The following GIPC1 variants were observed in gnomAD, a reference collection of about 807,000 sequenced individuals.
The protein encoded by GIPC1 is GIPC PDZ domain containing family member 1.
Under a neutral mutation model 28.5 loss-of-function variants are expected in GIPC1, and 15 were observed. That is an observed-to-expected ratio of 0.53 (90% CI 0.35 to 0.81). The LOEUF (loss-of-function observed/expected upper bound fraction) is 0.81, where lower values mean the gene tolerates loss of function less well. Ranked by LOEUF, GIPC1 falls within the 30% of genes least tolerant of loss-of-function variation. GIPC1 has a pLI of 0.01. For synonymous variants in GIPC1, 224 were observed against 206.1 expected (o/e 1.09, Z -0.74); for missense variants, 439 against 481.9 (o/e 0.91, Z 0.83).
Position 14,496,020 on chromosome 19 carries a change from T to G in GIPC1, c.-175+17A>C, listed in dbSNP as rs553319604. On this transcript the variant is annotated intron_variant, in intron 1 of 8. Coordinates refer to ENST00000393033, the MANE Select transcript of GIPC1 (RefSeq NM_005716.4). Reference sequence around the variant, plus strand: ...GGCCCCCGGAGCAGACACATCCTTCTCGCAGAGGCCACTCACCTGCTCCGC... The same window carrying G: ...GGCCCCCGGAGCAGACACATCCTTCGCGCAGAGGCCACTCACCTGCTCCGC... The G allele has an allele frequency of 4.4e-4, 99 of 224,710 alleles. 1 individual carries two copies. The highest frequency in any genetic ancestry group is 2.3e-3 in the African/African-American group (89 of 38,566). The allele number at this position is 224,710 out of a possible 1,614,324, so 13.9% of individuals were successfully genotyped here.
At position 14,485,696 on chromosome 19, in the gene GIPC1, TATATATAGAGAGAGAGAGAGAGAG is replaced by T. The variant is rs1486230763; in HGVS notation, c.-30-2714_-30-2691del. On this transcript the variant is annotated intron_variant, in intron 3 of 8. Transcript: ENST00000393033. ...AAATAAATAAACAAATATATATATA[TATATATAGAGAGAGAGAGAGAGAG>T]AGAGAGAGAGAGAGAGAGAGACAGA... is the stretch of plus-strand genomic sequence containing the variant. Among the ~76,000 whole-genome samples the T allele has an allele frequency of 3.4e-4, 25 of 73,858 alleles. 1 individual carries two copies. The highest frequency in any genetic ancestry group is 2.5e-3 in the South Asian group (5 of 2,016). 48.5% of individuals were successfully genotyped at this position (73,858 alleles called of 152,430 possible).
chr19:14,493,810 T>C (rs778819993), intron 1 of GIPC1, among the ~76,000 whole-genome samples: 12 of 149,070 alleles, frequency 8.0e-5, no homozygotes, highest in Non-Finnish European at 1.5e-4. Flanking sequence ...TACAGGCATG[T>C]GCCACCACGC....
At chr19:14,495,343 A>G (rs2072053958) in intron 1 of GIPC1, among the ~76,000 whole-genome samples, 1 of 151,968 alleles carries the variant, frequency 6.6e-6, no homozygotes, top group South Asian at 2.1e-4. Context: ...AGGGGGCCGG[A>G]GCTACTCAGC....
intron 3 of GIPC1, chr19:14,489,500 T>C (rs779024634): frequency 7.6e-6 from 7 of 922,254 alleles, no homozygotes; most frequent in Admixed American, 6.8e-5. Context: ...GATCCCTTTA[T>C]GAACCTTGTG....
At chr19:14,485,443 G>A (rs2071813570) in intron 3 of GIPC1, among the ~76,000 whole-genome samples, 1 of 151,422 alleles carries the variant, frequency 6.6e-6, no homozygotes, top group Non-Finnish European at 1.5e-5. Context: ...TTGAGGTCAG[G>A]AGTTCGAGAC....
Position 14,482,955 on chromosome 19 carries a change from G to A in GIPC1, c.22C>T (p.Arg8Trp), listed in dbSNP as rs199560632. Residue 8 changes from arginine to tryptophan, a missense_variant, in exon 4 of 9, where the codon CGG (arginine) becomes TGG (tryptophan). Coordinates refer to ENST00000393033, the MANE Select transcript of GIPC1 (RefSeq NM_005716.4). MPLGLGRRKKAPPLVENE... is the reference protein window; with the variant it reads MPLGLGRWKKAPPLVENE... Reference sequence around the variant, plus strand: ...TCCACTAGAGGGGGCGCCTTTTTCCGCCGCCCCAGTCCCAGCGGCATGAGC... The same window carrying A: ...TCCACTAGAGGGGGCGCCTTTTTCCACCGCCCCAGTCCCAGCGGCATGAGC... 1.9e-5 allele frequency: 30 copies of A among 1,611,680 alleles called. No individual in the cohort carries two copies. Among genetic ancestry groups the A allele is most frequent in the African/African-American group, 2.7e-5 (2 of 75,060 alleles).
chr19:14,492,202 G>T (rs935237313), intron 2 of GIPC1, among the ~76,000 whole-genome samples: 25 of 152,178 alleles, frequency 1.6e-4, no homozygotes, highest in Admixed American at 1.2e-3. Flanking sequence ...TTTGGGCAAG[G>T]GTCTTAACCT....
intron 3 of GIPC1, among the ~76,000 whole-genome samples, chr19:14,485,065 C>T (rs764569726): frequency 1.7e-4 from 26 of 151,262 alleles, no homozygotes; most frequent in Non-Finnish European, 2.9e-4. Context: ...GAGGTTGAGA[C>T]GAGAGAATCG....
intron 3 of GIPC1, among the ~76,000 whole-genome samples, chr19:14,485,850 A>C (rs1264010659): frequency 6.6e-6 from 1 of 151,082 alleles, no homozygotes; most frequent in East Asian, 2.0e-4. Context: ...GGCTCACTGC[A>C]AGCTCCACCT....
At chr19:14,485,131 G>A (rs937889784) in intron 3 of GIPC1, among the ~76,000 whole-genome samples, 17 of 151,930 alleles carry the variant, frequency 1.1e-4, no homozygotes, top group Admixed American at 6.6e-5. Flanking sequence ...CTGCACTCCA[G>A]CCTGGGCAAC....
At chr19:14,483,193 C>A (rs147177596) in intron 3 of GIPC1, 187 bp from the exon 4 acceptor site, 2 of 555,742 alleles carry the variant, frequency 3.6e-6, no homozygotes, top group Non-Finnish European at 6.3e-6. Context: ...CGGTGGCTCA[C>A]GCCTGTAATC....
At chr19:14,482,452 A>G in intron 4 of GIPC1, 1 of 591,478 alleles carries the variant, frequency 1.7e-6, no homozygotes, top group African/African-American at 1.9e-5. Context: ...CCAGTGCCTG[A>G]TGGGAACTCA....
Position 14,482,830 on chromosome 19 carries a change from G to C in GIPC1, c.147C>G (p.Pro49=), listed in dbSNP as rs377490203. 138 of 1,579,788 alleles carry C rather than the reference G, an allele frequency of 8.7e-5. 3 individuals carry two copies. The African/African-American group carries it at 1.5e-3, about 18-fold the overall frequency. ...GGCGGGGCCGCAGGGCTGGGGGAGG[G>C]GGGGGCAAGCCCATTTGGGGGCCCC... The part of the protein sequence containing the change: ...GSGGPQMGLP[P]PPPALRPRLV... Residue 49 remains proline, a synonymous_variant, in exon 4 of 9, where the codon CCC becomes CCG. Coordinates refer to ENST00000393033, the MANE Select transcript of GIPC1 (RefSeq NM_005716.4).
rs764603454 is a variant in GIPC1 at position 14,482,857 on chromosome 19, C to T, written c.120G>A (p.Ser40=). The part of the protein sequence containing the change: ...GEPGPLGGGG[S]GGPQMGLPPP... ...GGGGCAAGCCCATTTGGGGGCCCCCCGACCCACCTCCGCCCAGAGGCCCTG... is the reference window on the plus strand; with the variant it reads ...GGGGCAAGCCCATTTGGGGGCCCCCTGACCCACCTCCGCCCAGAGGCCCTG... Residue 40 remains serine, a synonymous_variant, in exon 4 of 9, where the codon TCG becomes TCA. Coordinates refer to ENST00000393033, the MANE Select transcript of GIPC1 (RefSeq NM_005716.4). 6.3e-6 allele frequency: 10 copies of T among 1,575,262 alleles called. No homozygotes were observed. Among genetic ancestry groups the T allele is most frequent in the East Asian group, 2.3e-5 (1 of 42,838 alleles).
chr19:14,493,453 T>C, intron 1 of GIPC1, among the ~76,000 whole-genome samples: 1 of 150,400 alleles, frequency 6.6e-6, no homozygotes, highest in East Asian at 2.0e-4. Context: ...GCCTTGCCCA[T>C]CTCTCTCTCT....
chr19:14,493,818 C>T (rs1198179322), intron 1 of GIPC1, among the ~76,000 whole-genome samples: 3 of 151,982 alleles, frequency 2.0e-5, no homozygotes, highest in African/African-American at 4.8e-5. Context: ...TGTGCCACCA[C>T]GCCCAGCTTA....
Position 14,478,497 on chromosome 19 carries a change from C to A in GIPC1, c.921G>T (p.Arg307=). ...CGTCAGGGAAGGCAAAGTCACCCAG[C>A]CGTTCGTCCAGGGCCTCGGCCAGCT... ...PDELAEALDE[R]LGDFAFPDEF... is the part of the protein sequence containing the mutation. Residue 307 remains arginine (R), a synonymous_variant, in exon 9 of 9, where the codon CGG becomes CGT. Coordinates refer to ENST00000393033, the MANE Select transcript of GIPC1 (RefSeq NM_005716.4). This position sits in a 1 kb window ranked among gnomAD's most constrained non-coding sequence, Gnocchi z 5.2. 1 of 1,613,988 alleles carries A rather than the reference C, an allele frequency of 6.2e-7. No homozygotes were observed. The highest frequency in any genetic ancestry group is 8.5e-7 in the Non-Finnish European group (1 of 1,179,958).
intron 3 of GIPC1, among the ~76,000 whole-genome samples, chr19:14,485,684 AATAT>A (rs141749727): frequency 1.9e-4 from 14 of 72,464 alleles, no homozygotes; most frequent in Non-Finnish European, 2.2e-4. Context: ...TAAATAAACA[AATAT>A]ATATATATAT....
At chr19:14,488,879 G>T (rs1460707697) in intron 3 of GIPC1, among the ~76,000 whole-genome samples, 1 of 151,478 alleles carries the variant, frequency 6.6e-6, no homozygotes, top group Non-Finnish European at 1.5e-5. Context: ...GTGAGTGAAG[G>T]GGGGATAGTG....
Sources: gnomAD v4.1 joint callset for allele counts (sites outside exome capture counted in the v4.1 genomes callset) on GRCh38, gnomAD v4.1.1 for gene constraint, Gnocchi (gnomAD v3.1) non-coding constraint, MANE v1.5 for transcripts, NCBI Gene and HGNC (gene_info 2026-07-23, HGNC 2026-07-21) for gene names.